MAPK4: variants seen among roughly 807,000 people sequenced by gnomAD.
The protein encoded by MAPK4 is Erk3-related.
Under a neutral mutation model 47.7 loss-of-function variants are expected in MAPK4, and 22 were observed. The observed-to-expected ratio is 0.46, with a 90% CI of 0.33 to 0.66. The LOEUF is 0.66. Ranked by LOEUF, MAPK4 falls within the 30% of genes least tolerant of loss-of-function variation. MAPK4 has a pLI of 0.02. For synonymous variants in MAPK4, 390 were observed against 365.7 expected (o/e 1.07, Z -0.76); for missense variants, 736 against 831.7 (o/e 0.88, Z 1.42).
chr18:50,708,558 C>T (rs1294773057), intron 2 of MAPK4, among the ~76,000 whole-genome samples: 4 of 152,172 alleles, frequency 2.6e-5, no homozygotes, highest in Non-Finnish European at 5.9e-5. Flanking sequence ...TCGAGGTCCT[C>T]AAGGGATCTG....
intron 1 of MAPK4, among the ~76,000 whole-genome samples, chr18:50,588,593 G>A (rs1460718714): frequency 2.6e-5 from 4 of 152,048 alleles, no homozygotes; most frequent in African/African-American, 7.2e-5. Context: ...GTCCCACTCC[G>A]GTTGTCCAGG....
At chr18:50,657,460 C>T (rs1348353581) in intron 1 of MAPK4, among the ~76,000 whole-genome samples, 1 of 152,114 alleles carries the variant, frequency 6.6e-6, no homozygotes, top group African/African-American at 2.4e-5. Flanking sequence ...AAGCTGAGGC[C>T]GGAGTCATTG....
At chr18:50,624,204 A>G (rs568568582) in intron 1 of MAPK4, among the ~76,000 whole-genome samples, 2 of 152,374 alleles carry the variant, frequency 1.3e-5, no homozygotes, top group Admixed American at 1.3e-4. Flanking sequence ...CTGGGGACAG[A>G]GCAGGATGTA....
At chr18:50,640,799 T>C (rs1250803118) in intron 1 of MAPK4, among the ~76,000 whole-genome samples, 1 of 152,056 alleles carries the variant, frequency 6.6e-6, no homozygotes, top group African/African-American at 2.4e-5. Context: ...ATCCCTTCTG[T>C]TGGCTTAAAC....
chr18:50,695,684 G>A (rs757626054), intron 2 of MAPK4, among the ~76,000 whole-genome samples: 1 of 152,320 alleles, frequency 6.6e-6, no homozygotes, highest in Middle Eastern at 3.4e-3. Flanking sequence ...AGCCGAGAGT[G>A]AGAAGGCTGC....
rs369837315 is a variant in MAPK4, at chr18:50,632,921, G to A, written c.-870-30168G>A. Among the ~76,000 whole-genome samples, 4 of 141,920 alleles carry A rather than the reference G, an allele frequency of 2.8e-5. No homozygotes were observed. The East Asian group carries it at 5.9e-4, about 21-fold the overall frequency. 93.1% of individuals were successfully genotyped at this position (141,920 alleles called of 152,430 possible). Reference sequence around the variant, plus strand: ...AGGTGTGAGCAACTGCGCCTGGCCTGATTTTTTTTATATATACCGCTGTGC... The same window carrying A: ...AGGTGTGAGCAACTGCGCCTGGCCTAATTTTTTTTATATATACCGCTGTGC... On this transcript the variant is annotated intron_variant, in intron 1 of 5. Transcript: ENST00000400384.
intron 2 of MAPK4, among the ~76,000 whole-genome samples, chr18:50,696,633 C>A (rs1480255721): frequency 6.6e-6 from 1 of 152,224 alleles, no homozygotes; most frequent in Non-Finnish European, 1.5e-5. Flanking sequence ...AAAGCCAGAG[C>A]CTCAGCTGGT....
At chr18:50,694,624 G>C (rs1909405845) in intron 2 of MAPK4, among the ~76,000 whole-genome samples, 1 of 152,182 alleles carries the variant, frequency 6.6e-6, no homozygotes, top group Non-Finnish European at 1.5e-5. Flanking sequence ...TATTCTTAAT[G>C]TGGGAATATC....
rs1232618691 is a variant in MAPK4, at chr18:50,586,048, TC to T, written c.-871+25806del. On this transcript the variant is annotated intron_variant, in intron 1 of 5. Coordinates refer to ENST00000400384, the MANE Select transcript of MAPK4 (RefSeq NM_002747.4). ...AACCATATTACTGGGTGTGACCATT[TC>T]AGTAATGACCCATTATCATCAGTGG... Among the ~76,000 whole-genome samples, 4 of 152,310 alleles carry T rather than the reference TC, an allele frequency of 2.6e-5. No homozygotes were observed. In the East Asian group the frequency reaches 7.7e-4, roughly 29 times the overall value.
intron 1 of MAPK4, among the ~76,000 whole-genome samples, chr18:50,655,928 T>C (rs889732383): frequency 1.2e-4 from 19 of 152,290 alleles, no homozygotes; most frequent in African/African-American, 3.1e-4. Flanking sequence ...TCCACTGATA[T>C]TTATTTATTG....
At chr18:50,577,710 A>G (rs970027902) in intron 1 of MAPK4, among the ~76,000 whole-genome samples, 2 of 152,214 alleles carry the variant, frequency 1.3e-5, no homozygotes, top group Non-Finnish European at 2.9e-5. Context: ...TTCTTTGGAC[A>G]TTTCCGTAGG....
intron 1 of MAPK4, among the ~76,000 whole-genome samples, chr18:50,589,653 T>G (rs964400243): frequency 3.3e-5 from 5 of 152,156 alleles, no homozygotes; most frequent in Admixed American, 1.3e-4. Context: ...CTAGAACATT[T>G]TGAAGGCAAA....
intron 1 of MAPK4, among the ~76,000 whole-genome samples, chr18:50,630,551 C>T (rs566139692): frequency 1.8e-4 from 27 of 152,264 alleles, no homozygotes; most frequent in African/African-American, 6.5e-4. Context: ...TCCAGGAGTA[C>T]CCAGGATATA....
At chr18:50,681,431 T>C (rs1259213803) in intron 2 of MAPK4, among the ~76,000 whole-genome samples, 1 of 152,216 alleles carries the variant, frequency 6.6e-6, no homozygotes, top group Non-Finnish European at 1.5e-5. Flanking sequence ...TTTGATGATA[T>C]CTAGTTTATG....
intron 1 of MAPK4, among the ~76,000 whole-genome samples, chr18:50,603,533 C>T (rs1239641605): frequency 6.6e-6 from 1 of 151,920 alleles, no homozygotes; most frequent in Admixed American, 6.5e-5. Flanking sequence ...GTGACTCTGT[C>T]ATTCCTCCAG....
At chr18:50,606,764 G>T (rs1232028052) in intron 1 of MAPK4, among the ~76,000 whole-genome samples, 1 of 152,206 alleles carries the variant, frequency 6.6e-6, no homozygotes, top group East Asian at 1.9e-4. Flanking sequence ...GTGCAATGGG[G>T]CAGGCATAGC....
At chr18:50,566,147 A>T (rs1193463176) in intron 1 of MAPK4, among the ~76,000 whole-genome samples, 1 of 152,244 alleles carries the variant, frequency 6.6e-6, no homozygotes, top group African/African-American at 2.4e-5. Flanking sequence ...TTTAACAAAA[A>T]TTAAAAATAA....
intron 1 of MAPK4, among the ~76,000 whole-genome samples, chr18:50,577,858 C>T (rs1172916913): frequency 6.6e-6 from 1 of 152,190 alleles, no homozygotes; most frequent in African/African-American, 2.4e-5. Context: ...CCTAATTGCC[C>T]TGTTCCTTGT....
chr18:50,716,411 C>T (rs148378903), intron 3 of MAPK4, among the ~76,000 whole-genome samples: 1 of 152,328 alleles, frequency 6.6e-6, no homozygotes, highest in Non-Finnish European at 1.5e-5. Context: ...TTCCTCTGCA[C>T]TATGTCCCTC....
Sources: gnomAD v4.1 joint callset for allele counts (sites outside exome capture counted in the v4.1 genomes callset) on GRCh38, gnomAD v4.1.1 for gene constraint, MANE v1.5 for transcripts, NCBI Gene and HGNC (gene_info 2026-07-23, HGNC 2026-07-21) for gene names.